MYO16: variants seen among roughly 807,000 people sequenced by gnomAD.
MYO16 encodes myosin XVI, also known as unconventional myosin-XVI.
Under a neutral mutation model 205.3 loss-of-function variants are expected in MYO16, and 94 were observed. That is an observed-to-expected ratio of 0.46 (90% CI 0.39 to 0.54). The LOEUF (loss-of-function observed/expected upper bound fraction) is 0.54, where lower values mean the gene tolerates loss of function less well. Among genes scored for constraint, MYO16 ranks in the 20% least tolerant of loss-of-function variants. The pLI is 0.00. For synonymous variants in MYO16, 988 were observed against 954.0 expected, an observed-to-expected ratio of 1.04 and a Z score of -0.66; for missense variants, 2,315 against 2,387.5, an observed-to-expected ratio of 0.97 and a Z score of 0.63.
chr13:108,868,123 C>G (rs1878816102), intron 12 of MYO16, among the ~76,000 whole-genome samples: 2 of 146,934 alleles, frequency 1.4e-5, no homozygotes, highest in Admixed American at 1.4e-4. Flanking sequence ...TGAACATCCT[C>G]ACAATTTTTT....
chr13:108,563,453 CACTA>C, the MYO16 span, among the ~76,000 whole-genome samples: 282 of 152,128 alleles, frequency 1.9e-3, 1 homozygote, highest in African/African-American at 6.5e-3. Context: ...TTTTTGTACC[CACTA>C]ACTATCACAA....
At chr13:108,568,721 ATTT>A in the MYO16 span, among the ~76,000 whole-genome samples, 76 of 151,788 alleles carry the variant, frequency 5.0e-4, no homozygotes, top group Non-Finnish European at 9.9e-4. Flanking sequence ...TATTATTATT[ATTT>A]TTTGCTACTT....
At chr13:109,001,263 C>T (rs1325016309) in intron 21 of MYO16, among the ~76,000 whole-genome samples, 3 of 151,426 alleles carry the variant, frequency 2.0e-5, no homozygotes, top group African/African-American at 7.3e-5. Context: ...ACAAATACGG[C>T]AGCCTGGGCC....
At chr13:108,659,768 G>C (rs1282215412) in intron 1 of MYO16, among the ~76,000 whole-genome samples, 1 of 152,172 alleles carries the variant, frequency 6.6e-6, no homozygotes, top group Non-Finnish European at 1.5e-5. Context: ...AACAACAACA[G>C]CAAAACTATT....
upstream of MYO16, among the ~76,000 whole-genome samples, chr13:108,594,632 C>T (rs8001584): frequency 2.6e-5 from 4 of 152,148 alleles, no homozygotes; most frequent in African/African-American, 4.8e-5. Context: ...TCCCCTGATG[C>T]GGCACTTCGG....
intron 16 of MYO16, among the ~76,000 whole-genome samples, chr13:108,952,145 A>G (rs1883178994): frequency 6.6e-6 from 1 of 151,626 alleles, no homozygotes; most frequent in Admixed American, 6.6e-5. Context: ...AAATAAATAA[A>G]TAAATAAATA....
chr13:109,093,288 T>TTG (rs1888676381), intron 27 of MYO16, among the ~76,000 whole-genome samples: 1 of 152,154 alleles, frequency 6.6e-6, no homozygotes, highest in Non-Finnish European at 1.5e-5. Flanking sequence ...ATAACACAGC[T>TTG]TGAGGTTGGA....
At chr13:108,528,729 C>T in the MYO16 span, among the ~76,000 whole-genome samples, 1 of 94,506 alleles carries the variant, frequency 1.1e-5, no homozygotes, top group Non-Finnish European at 2.2e-5. Context: ...ACCTCCCTTC[C>T]CTTCACCTCC....
At chr13:108,526,183 A>G in the MYO16 span, among the ~76,000 whole-genome samples, 1 of 152,176 alleles carries the variant, frequency 6.6e-6, no homozygotes, top group African/African-American at 2.4e-5. Flanking sequence ...AAGGTTTGTT[A>G]CAGATACTAT....
Position 109,100,794 on chromosome 13 carries a change from A to G in MYO16, c.3345A>G (p.Pro1115=). The G allele has an allele frequency of 3.1e-6, 5 of 1,612,450 alleles. No individual in the cohort carries two copies. Among genetic ancestry groups the G allele is most frequent in the Non-Finnish European group, 4.2e-6 (5 of 1,178,628 alleles). The change falls in exon 28 of 35, where the codon CCA becomes CCG. Residue 1115 remains proline (P), a synonymous_variant. Transcript: ENST00000457511. ...CTGCTGCTTTTCACAGGTATAAGCC[A>G]CTGGCTGATACATTCCTGCGTGAGA... ...SFSDFLSRYK[P]LADTFLREKK...
intron 16 of MYO16, among the ~76,000 whole-genome samples, chr13:108,913,980 TTCTGA>T (rs557008541): frequency 8.0e-4 from 122 of 152,294 alleles, no homozygotes; most frequent in Admixed American, 2.6e-3. Flanking sequence ...TATAAATTTG[TTCTGA>T]CCACGAGGCA....
chr13:109,072,574 AACAC>A (rs66755145), intron 27 of MYO16, among the ~76,000 whole-genome samples: 13,516 of 149,160 alleles, frequency 0.091, 665 homozygotes, highest in African/African-American at 0.13. Context: ...TGTGGCATTA[AACAC>A]ACACACACAC....
At chr13:108,617,324 G>A (rs1341177473) in intron 1 of MYO16, among the ~76,000 whole-genome samples, 1 of 152,098 alleles carries the variant, frequency 6.6e-6, no homozygotes, top group Admixed American at 6.6e-5. Flanking sequence ...CAGGGGCCAC[G>A]GTTAAAACCA....
At chr13:108,651,518 T>C (rs920437373) in intron 1 of MYO16, among the ~76,000 whole-genome samples, 1 of 152,206 alleles carries the variant, frequency 6.6e-6, no homozygotes, top group African/African-American at 2.4e-5. Context: ...TAAATATACC[T>C]TACATTATAC....
chr13:108,904,746 A>G (rs1187697678), intron 15 of MYO16, among the ~76,000 whole-genome samples: 1 of 152,118 alleles, frequency 6.6e-6, no homozygotes, highest in Admixed American at 6.6e-5. Context: ...ACTTCCAGAA[A>G]CTTCCAACAC....
chr13:108,977,818 G>A (rs1369724415), intron 20 of MYO16, among the ~76,000 whole-genome samples: 1 of 151,574 alleles, frequency 6.6e-6, no homozygotes, highest in Non-Finnish European at 1.5e-5. Context: ...TGGTTATTTT[G>A]GGGTCTTTAT....
intron 7 of MYO16, among the ~76,000 whole-genome samples, chr13:108,808,341 C>CA (rs1163186733): frequency 6.8e-6 from 1 of 147,830 alleles, no homozygotes; most frequent in Non-Finnish European, 1.5e-5. Flanking sequence ...ATAGAACCTT[C>CA]TTTTTTTTTG....
At chr13:108,948,026 G>A (rs75642736) in intron 16 of MYO16, among the ~76,000 whole-genome samples, 4,803 of 152,282 alleles carry the variant, frequency 0.032, 100 homozygotes, top group Non-Finnish European at 0.044. Context: ...TGAACGCATG[G>A]TTAATAAAAA....
At chr13:108,717,822 G>C (rs1167941251) in intron 3 of MYO16, among the ~76,000 whole-genome samples, 1 of 152,070 alleles carries the variant, frequency 6.6e-6, no homozygotes, top group Non-Finnish European at 1.5e-5. Context: ...CAGTGACTCA[G>C]GTTGGGGAAA....
Sources: allele counts gnomAD v4.1 joint callset (sites outside exome capture counted in the v4.1 genomes callset), GRCh38; gene constraint gnomAD v4.1.1; transcripts MANE v1.5; gene names NCBI Gene and HGNC (gene_info 2026-07-23, HGNC 2026-07-21).